Variants in SOX6 observed in about 807,000 individuals in gnomAD.
SOX6 encodes transcription factor SOX-6.
In SOX6, 11 loss-of-function variants were observed where a neutral mutation model predicts 97.8. The ratio of observed to expected loss-of-function variants is 0.11; its 90% CI spans 0.07 to 0.19. The LOEUF (loss-of-function observed/expected upper bound fraction) is 0.19. Among genes scored for constraint, SOX6 ranks in the 10% least tolerant of loss-of-function variants. The pLI, the probability that SOX6 is intolerant of heterozygous loss-of-function variation, is 1.00. For synonymous variants in SOX6, 360 were observed against 371.4 expected (o/e 0.97, Z 0.35); for missense variants, 810 against 1,039.5 (o/e 0.78, Z 3.04).
intron 9 of SOX6, among the ~76,000 whole-genome samples, chr11:16,076,209 T>A (rs1848348227): frequency 6.6e-6 from 1 of 151,932 alleles, no homozygotes. Context: ...TGGCAAAGAT[T>A]TAATGACGAA....
chr11:16,295,630 C>G (rs1376166205), intron 3 of SOX6, among the ~76,000 whole-genome samples: 1 of 152,094 alleles, frequency 6.6e-6, no homozygotes, highest in Non-Finnish European at 1.5e-5. Context: ...CTATTTCCTA[C>G]CATCTAACCT....
intron 3 of SOX6, among the ~76,000 whole-genome samples, chr11:16,289,892 T>C (rs2134256544): frequency 1.3e-5 from 2 of 152,074 alleles, no homozygotes; most frequent in South Asian, 4.1e-4. Context: ...GTGATGAAAA[T>C]GGACTTCAAG....
intron 4 of SOX6, among the ~76,000 whole-genome samples, chr11:16,226,356 T>A (rs552097154): frequency 6.6e-6 from 1 of 151,174 alleles, no homozygotes; most frequent in South Asian, 2.1e-4. Flanking sequence ...TTCTCTCTTA[T>A]CTTCTGTGTG....
chr11:16,225,565 A>T (rs1276527165), intron 4 of SOX6, among the ~76,000 whole-genome samples: 1 of 151,946 alleles, frequency 6.6e-6, no homozygotes, highest in African/African-American at 2.4e-5. Context: ...TTAGGGCCTT[A>T]TGATAGAAAT....
chr11:16,619,495 T>C (rs991143666), intron 3 of SOX6, among the ~76,000 whole-genome samples: 2 of 152,042 alleles, frequency 1.3e-5, no homozygotes, highest in African/African-American at 4.8e-5. Context: ...ATCCACGATG[T>C]CTTTCATTTT....
intron 3 of SOX6, among the ~76,000 whole-genome samples, chr11:16,248,751 G>A (rs1221761729): frequency 1.3e-5 from 2 of 152,202 alleles, no homozygotes; most frequent in African/African-American, 2.4e-5. Context: ...AGGGGCTGCT[G>A]TGAAGGTCTC....
intron 3 of SOX6, among the ~76,000 whole-genome samples, chr11:16,711,221 C>G (rs1038115104): frequency 3.3e-5 from 5 of 152,198 alleles, no homozygotes; most frequent in African/African-American, 4.8e-5. Flanking sequence ...ATCAATCACT[C>G]TCCTGCTAAA....
At chr11:16,357,280 T>C (rs1857099731), upstream of SOX6, among the ~76,000 whole-genome samples, 1 of 152,110 alleles carries the variant, frequency 6.6e-6, no homozygotes, top group Non-Finnish European at 1.5e-5. Context: ...TGGCCAGCTT[T>C]AGTCACCCAG....
intron 6 of SOX6, among the ~76,000 whole-genome samples, chr11:16,152,644 T>G: frequency 6.6e-6 from 1 of 152,214 alleles, no homozygotes; most frequent in East Asian, 1.9e-4. Flanking sequence ...CTAACAGATA[T>G]TACATTTCCC....
intron 4 of SOX6, among the ~76,000 whole-genome samples, chr11:16,519,035 T>C (rs1440961043): frequency 6.6e-6 from 1 of 152,168 alleles, no homozygotes; most frequent in African/African-American, 2.4e-5. Flanking sequence ...AGTACTCCTC[T>C]TATACCTTTC....
chr11:16,148,589 AC>A (rs1325205886), intron 6 of SOX6, among the ~76,000 whole-genome samples: 1 of 152,116 alleles, frequency 6.6e-6, no homozygotes, highest in Non-Finnish European at 1.5e-5. Flanking sequence ...CAGTCAGAAA[AC>A]AAAAAAGGCA....
intron 3 of SOX6, chr11:16,316,389 C>T (rs1278527965): frequency 6.6e-6 from 1 of 150,682 alleles, no homozygotes; most frequent in East Asian, 1.9e-4. Context: ...ATATTATATA[C>T]ATTAATATAT....
chr11:16,398,311 G>A lies in SOX6; in HGVS notation c.-4-57059C>T, dbSNP rs78905364. On this transcript the variant is annotated intron_variant, in intron 1 of 15. Transcript: ENST00000396356. Reference sequence around the variant, plus strand: ...CTTTTGTCTTCATTCCAATAGCTAAGATTCCACCTTGTTTTTCTGTAGCTG... The same window carrying A: ...CTTTTGTCTTCATTCCAATAGCTAAAATTCCACCTTGTTTTTCTGTAGCTG... Among the ~76,000 whole-genome samples the A allele has an allele frequency of 8.6e-3, 1,302 of 151,586 alleles. 26 individuals are homozygous for A. Among genetic ancestry groups the A allele is most frequent in the African/African-American group, 0.03 (1,244 of 41,482 alleles).
Position 16,318,453 on chromosome 11 carries a change from T to A in SOX6, c.438A>T (p.Glu146Asp). ...AGTGAAGTCCACACATACCCTCTTGTTCAGTCCGAGTCATTTCCTCAAGCT... is the reference window on the plus strand; with the variant it reads ...AGTGAAGTCCACACATACCCTCTTGATCAGTCCGAGTCATTTCCTCAAGCT... ...QKKLEEMTRTEQEDSSCMEKL... is the reference protein window; with the variant it reads ...QKKLEEMTRTDQEDSSCMEKL... The change falls in exon 3 of 16, where the codon GAA becomes GAT. Residue 146 changes from glutamate to aspartate, a missense_variant. By Grantham distance (45) the Glu-to-Asp change is conservative. Transcript: ENST00000683767. The A allele has an allele frequency of 1.9e-6, 3 of 1,613,314 alleles. No individual in the cohort carries two copies. Among genetic ancestry groups the A allele is most frequent in the Non-Finnish European group, 2.5e-6 (3 of 1,179,590 alleles).
chr11:16,379,763 ACAG>A (rs1282197661), intron 1 of SOX6, among the ~76,000 whole-genome samples: 76 of 152,252 alleles, frequency 5.0e-4, no homozygotes, highest in African/African-American at 1.8e-3. Flanking sequence ...AGAAATAATT[ACAG>A]ATGTGTGCAA....
At chr11:16,525,505 G>A (rs1470270181) in intron 4 of SOX6, among the ~76,000 whole-genome samples, 3 of 151,970 alleles carry the variant, frequency 2.0e-5, no homozygotes, top group African/African-American at 7.2e-5. Flanking sequence ...AGACTTAAAC[G>A]TTAGACATAA....
intron 3 of SOX6, among the ~76,000 whole-genome samples, chr11:16,256,160 A>C (rs142399474): frequency 6.6e-6 from 1 of 152,042 alleles, no homozygotes; most frequent in Non-Finnish European, 1.5e-5. Context: ...CATTTCTTTC[A>C]GAAGATAGAA....
intron 6 of SOX6, among the ~76,000 whole-genome samples, chr11:16,152,069 C>T (rs1850472364): frequency 6.6e-6 from 1 of 152,100 alleles, no homozygotes; most frequent in Non-Finnish European, 1.5e-5. Flanking sequence ...GATTTACCAC[C>T]AGGATCAAAT....
intron 4 of SOX6, among the ~76,000 whole-genome samples, chr11:16,219,160 G>A (rs1169570651): frequency 1.3e-5 from 2 of 151,924 alleles, no homozygotes; most frequent in African/African-American, 4.8e-5. Flanking sequence ...TCCATTTCCA[G>A]GTATAATCAA....
Sources: allele counts gnomAD v4.1 joint callset (sites outside exome capture counted in the v4.1 genomes callset), GRCh38; gene constraint gnomAD v4.1.1; transcripts MANE v1.5; gene names NCBI Gene and HGNC (gene_info 2026-07-23, HGNC 2026-07-21).